Variants in SCARA5 observed in about 807,000 individuals in gnomAD.
SCARA5 encodes the protein scavenger receptor class A, member 5 (putative).
SCARA5 carries 45 observed loss-of-function variants against 46.3 expected under a neutral mutation model. That is an observed-to-expected ratio of 0.97 (90% CI 0.76 to 1.24). The LOEUF (loss-of-function observed/expected upper bound fraction) is 1.24, where lower values mean the gene tolerates loss of function less well. Among genes scored for constraint, SCARA5 ranks in the 50% most tolerant of loss-of-function variants. The pLI is 0.00. For synonymous variants in SCARA5, 333 were observed against 306.5 expected, an observed-to-expected ratio of 1.09 and a Z score of -0.90; for missense variants, 680 against 689.0, an observed-to-expected ratio of 0.99 and a Z score of 0.15.
At chr8:27,967,331 G>A (rs927543344) in intron 2 of SCARA5, among the ~76,000 whole-genome samples, 2 of 152,300 alleles carry the variant, frequency 1.3e-5, no homozygotes, top group East Asian at 1.9e-4. Context: ...TCAAATGTCA[G>A]TTAGCAGCAA....
intron 3 of SCARA5, among the ~76,000 whole-genome samples, chr8:27,958,877 G>T (rs1374510832): frequency 6.6e-6 from 1 of 152,180 alleles, no homozygotes; most frequent in Non-Finnish European, 1.5e-5. Context: ...TGATCATTGA[G>T]GGCTGCATGG....
At chr8:27,919,363 G>A (rs538514252) in intron 4 of SCARA5, among the ~76,000 whole-genome samples, 9 of 152,002 alleles carry the variant, frequency 5.9e-5, no homozygotes, top group Non-Finnish European at 1.2e-4. Flanking sequence ...GTGCTTCCAG[G>A]GCAGTGACGA....
chr8:27,909,777 GC>G, intron 4 of SCARA5, 34 bp from the exon 5 acceptor site: 1 of 1,459,124 alleles, frequency 6.9e-7, no homozygotes, highest in Non-Finnish European at 9.4e-7. Context: ...AGGTTAGGGG[GC>G]TCCCTTCTGA....
intron 7 of SCARA5, among the ~76,000 whole-genome samples, chr8:27,896,180 C>T (rs1585470769): frequency 6.6e-6 from 1 of 152,152 alleles, no homozygotes; most frequent in East Asian, 1.9e-4. Context: ...GACAGTGATG[C>T]TATGTGCCTG....
intron 3 of SCARA5, among the ~76,000 whole-genome samples, chr8:27,955,574 C>A (rs1030167802): frequency 2.0e-5 from 3 of 152,112 alleles, no homozygotes; most frequent in South Asian, 2.1e-4. Context: ...GAGGTCCCAG[C>A]GAGGGGCCAG....
At chr8:27,873,876 C>A (rs34748863) in intron 8 of SCARA5, among the ~76,000 whole-genome samples, 59,270 of 151,630 alleles carry the variant, frequency 0.39, 12,304 homozygotes, top group East Asian at 0.54. Context: ...CCGTCTCTAC[C>A]CCGTCTCTAC....
intron 2 of SCARA5, among the ~76,000 whole-genome samples, chr8:27,985,236 G>A (rs564560398): frequency 5.3e-5 from 8 of 152,210 alleles, no homozygotes; most frequent in African/African-American, 1.4e-4. Context: ...CTCAGGCCTC[G>A]CAGAAGGTGG....
At chr8:27,900,192 T>A (rs1807128757) in intron 7 of SCARA5, among the ~76,000 whole-genome samples, 1 of 151,908 alleles carries the variant, frequency 6.6e-6, no homozygotes, top group Non-Finnish European at 1.5e-5. Flanking sequence ...AGTCGCTGTG[T>A]CTCTCCATGC....
At position 27,871,036 on chromosome 8, in the gene SCARA5, G is replaced by T. The variant is rs149921029; in HGVS notation, c.*898C>A. ...CAGTCATGTTTGACCTTGCACTCAC[G>T]CCCTGGAGGTTCTGAAGTAGGCAAC... On this transcript the variant is annotated 3_prime_UTR_variant, in exon 9 of 9. Transcript: ENST00000354914. 6.6e-6 allele frequency: 1 copy of T among 152,176 alleles called. No individual in the cohort carries two copies. Among genetic ancestry groups the T allele is most frequent in the Admixed American group, 6.5e-5 (1 of 15,286 alleles). The allele number at this position is 152,176 out of a possible 1,614,324, so 9.4% of individuals were successfully genotyped here.
At chr8:27,962,761 C>A (rs1808312019) in intron 3 of SCARA5, among the ~76,000 whole-genome samples, 1 of 152,212 alleles carries the variant, frequency 6.6e-6, no homozygotes, top group Non-Finnish European at 1.5e-5. Context: ...ACAGCAGAAA[C>A]TACGTCACAT....
chr8:27,982,734 G>A (rs1227489100), intron 2 of SCARA5, among the ~76,000 whole-genome samples: 1 of 152,156 alleles, frequency 6.6e-6, no homozygotes, highest in South Asian at 2.1e-4. Flanking sequence ...GTACCTGCGG[G>A]GCCTTGAAGG....
chr8:27,882,993 T>C (rs1585461628), intron 7 of SCARA5, among the ~76,000 whole-genome samples: 1 of 152,292 alleles, frequency 6.6e-6, no homozygotes, highest in African/African-American at 2.4e-5. Flanking sequence ...AGGACTGTCA[T>C]GCAAACAAAA....
chr8:27,960,818 G>A (rs116290938), intron 3 of SCARA5, among the ~76,000 whole-genome samples: 1 of 151,776 alleles, frequency 6.6e-6, no homozygotes, highest in South Asian at 2.1e-4. Context: ...TGAAATAAAT[G>A]AGTTGTGATC....
In SCARA5 at chr8:27,871,966, C is replaced by T. The variant is rs1554566382; in HGVS notation, c.1456G>A (p.Glu486Lys). 5 of 1,614,230 alleles carry T rather than the reference C, an allele frequency of 3.1e-6. No homozygotes were observed. Among genetic ancestry groups the T allele is most frequent in the Admixed American group, 1.7e-5 (1 of 60,034 alleles). Residue 486 changes from glutamate to lysine, a missense_variant, in exon 9 of 9, where the codon GAA (glutamate) becomes AAA (lysine). Coordinates refer to ENST00000354914, the MANE Select transcript of SCARA5 (RefSeq NM_173833.6). ...CTGTTGCATGTCACGCTGGCATCTT[C>T]GGCATGTCCACAGTTTGTCACCCCC... ...KWGVTNCGHA[E>K]DASVTCNRH is the part of the protein sequence containing the mutation.
chr8:27,879,633 C>G lies in SCARA5; in HGVS notation c.1287G>C (p.Val429=), dbSNP rs938479686. 1 of 1,612,324 alleles carries G rather than the reference C, an allele frequency of 6.2e-7. No homozygotes were observed. The highest frequency in any genetic ancestry group is 1.1e-5 in the South Asian group (1 of 91,086). Residue 429 remains valine, a synonymous_variant, in exon 8 of 9, where the codon GTG becomes GTC. Transcript: ENST00000354914. The part of the protein sequence containing the change: ...DDGWDKKDGD[V]VCRMLGFRGV... ...CGCGGAAGCCGAGCATGCGGCACAC[C>G]ACGTCTCCGTCCTTCTTGTCCCAGC...
intron 2 of SCARA5, among the ~76,000 whole-genome samples, chr8:27,970,075 C>T (rs1030675882): frequency 1.3e-5 from 2 of 152,146 alleles, no homozygotes; most frequent in Admixed American, 6.5e-5. Flanking sequence ...AGACCAAAGA[C>T]ATGCAGCATC....
At chr8:27,963,106 A>C (rs763843979) in intron 3 of SCARA5, among the ~76,000 whole-genome samples, 4 of 152,152 alleles carry the variant, frequency 2.6e-5, no homozygotes, top group African/African-American at 4.8e-5. Context: ...CCACAGTGAG[A>C]ATTCAGACTT....
intron 2 of SCARA5, among the ~76,000 whole-genome samples, chr8:27,975,818 C>T (rs1394831196): frequency 1.3e-5 from 2 of 152,132 alleles, no homozygotes; most frequent in African/African-American, 4.8e-5. Flanking sequence ...GGGGTAGGAG[C>T]CTGGTCTTCC....
Position 27,951,083 on chromosome 8 carries a change from A to G in SCARA5, c.241+15331T>C, listed in dbSNP as rs184961564. On this transcript the variant is annotated intron_variant, in intron 3 of 8. Transcript: ENST00000354914. Reference sequence around the variant, plus strand: ...TTTACAGATAAGAAAACTGGTGCTCAAAGAGGTTTAGAAATTTGCCCAAAC... The same window carrying G: ...TTTACAGATAAGAAAACTGGTGCTCGAAGAGGTTTAGAAATTTGCCCAAAC... Among the ~76,000 whole-genome samples the G allele has an allele frequency of 9.2e-5, 14 of 152,318 alleles. No homozygotes were observed. The East Asian group carries it at 2.7e-3, about 29-fold the overall frequency.
Sources: gnomAD v4.1 joint callset for allele counts (sites outside exome capture counted in the v4.1 genomes callset) on GRCh38, gnomAD v4.1.1 for gene constraint, MANE v1.5 for transcripts, NCBI Gene and HGNC (gene_info 2026-07-23, HGNC 2026-07-21) for gene names.